The following MAML2 variants were observed in gnomAD, a reference collection of about 807,000 sequenced individuals.
MAML2 encodes mastermind like transcriptional coactivator 2.
MAML2 carries 22 observed loss-of-function variants against 96.1 expected under a neutral mutation model. That is an observed-to-expected ratio of 0.23 (90% CI 0.16 to 0.33). MAML2 has a LOEUF of 0.33. MAML2 is among the 10% of genes least tolerant of loss of function. The pLI, the probability that MAML2 is intolerant of heterozygous loss-of-function variation, is 1.00. For missense variants in MAML2, 1,367 were observed against 1,392.4 expected (o/e 0.98, Z 0.29); for synonymous variants, 561 against 521.3 (o/e 1.08, Z -1.04).
chr11:96,159,508 TC>T (rs1273681434), intron 1 of MAML2, among the ~76,000 whole-genome samples: 1 of 39,138 alleles, frequency 2.6e-5, no homozygotes, highest in Non-Finnish European at 7.4e-5. Flanking sequence ...CACTGCGAGC[TC>T]CGGCCTCCCG....
chr11:96,267,730 C>CA, intron 1 of MAML2, among the ~76,000 whole-genome samples: 1 of 152,308 alleles, frequency 6.6e-6, no homozygotes, highest in South Asian at 2.1e-4. Flanking sequence ...TCACTAGTTT[C>CA]AGCTAGTCAC....
intron 1 of MAML2, among the ~76,000 whole-genome samples, chr11:96,268,773 A>AGCAG: frequency 9.3e-6 from 1 of 108,030 alleles, no homozygotes; most frequent in African/African-American, 4.1e-5. Flanking sequence ...CCTGCACACG[A>AGCAG]TCTGTTGTCT....
At chr11:96,252,419 C>T (rs149424179) in intron 1 of MAML2, among the ~76,000 whole-genome samples, 2 of 145,040 alleles carry the variant, frequency 1.4e-5, no homozygotes, top group Admixed American at 1.4e-4. Flanking sequence ...TTTACCTTGA[C>T]TAACTCTTTT....
At chr11:96,028,953 G>T (rs1858567876) in intron 2 of MAML2, among the ~76,000 whole-genome samples, 1 of 152,094 alleles carries the variant, frequency 6.6e-6, no homozygotes, top group Non-Finnish European at 1.5e-5. Flanking sequence ...ATTCAGGACA[G>T]TGTTGCTTTT....
At chr11:96,219,652 G>A (rs566278987) in intron 1 of MAML2, among the ~76,000 whole-genome samples, 1 of 152,016 alleles carries the variant, frequency 6.6e-6, no homozygotes, top group East Asian at 1.9e-4. Context: ...TTGAGACAGG[G>A]TCTCACTCTG....
At chr11:96,235,478 T>G (rs897285017) in intron 1 of MAML2, among the ~76,000 whole-genome samples, 3 of 152,206 alleles carry the variant, frequency 2.0e-5, no homozygotes, top group Non-Finnish European at 4.4e-5. Context: ...TCTATTATTC[T>G]TTTGAACTGA....
intron 1 of MAML2, among the ~76,000 whole-genome samples, chr11:96,175,767 A>G (rs2135905142): frequency 6.6e-6 from 1 of 151,800 alleles, no homozygotes; most frequent in South Asian, 2.1e-4. Context: ...TTATTTATTT[A>G]TTTATTGTAT....
intron 2 of MAML2, among the ~76,000 whole-genome samples, chr11:96,081,642 A>T (rs1340983431): frequency 6.6e-5 from 10 of 152,264 alleles, no homozygotes; most frequent in Admixed American, 6.5e-4. Flanking sequence ...AATTTGTATT[A>T]TTTTATCGGA....
At chr11:96,008,576 T>C (rs939304188) in intron 2 of MAML2, among the ~76,000 whole-genome samples, 2 of 152,196 alleles carry the variant, frequency 1.3e-5, no homozygotes, top group Admixed American at 6.5e-5. Context: ...AATTAGATCC[T>C]CTTTAGAATT....
intron 1 of MAML2, among the ~76,000 whole-genome samples, chr11:96,283,245 C>T (rs905573851): frequency 3.3e-5 from 5 of 152,156 alleles, no homozygotes; most frequent in African/African-American, 1.2e-4. Context: ...CCTTGCTGTC[C>T]ACACCAAAAA....
intron 1 of MAML2, among the ~76,000 whole-genome samples, chr11:96,097,977 G>GAACCAC (rs1165774923): frequency 6.6e-6 from 1 of 152,190 alleles, no homozygotes; most frequent in Non-Finnish European, 1.5e-5. Context: ...TCCTAATTCT[G>GAACCAC]AACCACTAGC....
chr11:96,290,012 G>A (rs1008966384), intron 1 of MAML2, among the ~76,000 whole-genome samples: 4 of 152,126 alleles, frequency 2.6e-5, no homozygotes, highest in African/African-American at 9.7e-5. Context: ...TTCTCTCACT[G>A]CTTTTTATAA....
At chr11:96,335,420 T>G (rs1227286263) in intron 1 of MAML2, among the ~76,000 whole-genome samples, 1 of 152,222 alleles carries the variant, frequency 6.6e-6, no homozygotes, top group Non-Finnish European at 1.5e-5. Context: ...CCAGTGAACC[T>G]AAGAAGCGAG....
intron 1 of MAML2, among the ~76,000 whole-genome samples, chr11:96,303,236 A>C (rs1194802941): frequency 6.6e-6 from 1 of 151,932 alleles, no homozygotes; most frequent in Non-Finnish European, 1.5e-5. Flanking sequence ...GAGAGATAAA[A>C]CTCCCTACTC....
chr11:96,337,310 T>C (rs932007000), intron 1 of MAML2, among the ~76,000 whole-genome samples: 1 of 152,246 alleles, frequency 6.6e-6, no homozygotes, highest in Non-Finnish European at 1.5e-5. Flanking sequence ...CTTACAGCTC[T>C]CAACTTTTTA....
At chr11:96,016,321 G>A (rs1352667988) in intron 2 of MAML2, among the ~76,000 whole-genome samples, 1 of 152,038 alleles carries the variant, frequency 6.6e-6, no homozygotes, top group Non-Finnish European at 1.5e-5. Flanking sequence ...AAAAGTGAAG[G>A]GGAGGGGAGA....
intron 1 of MAML2, among the ~76,000 whole-genome samples, chr11:96,335,333 T>C (rs1446481062): frequency 2.0e-5 from 3 of 152,244 alleles, no homozygotes; most frequent in Non-Finnish European, 4.4e-5. Flanking sequence ...AACTCATTTG[T>C]TGGGAAGACT....
At chr11:96,249,230 C>T (rs1345787883) in intron 1 of MAML2, among the ~76,000 whole-genome samples, 1 of 152,212 alleles carries the variant, frequency 6.6e-6, no homozygotes, top group Non-Finnish European at 1.5e-5. Flanking sequence ...CCTCACTTCT[C>T]CTCTGTCTCC....
chr11:96,172,096 G>A (rs1359937538), intron 1 of MAML2, among the ~76,000 whole-genome samples: 1 of 152,160 alleles, frequency 6.6e-6, no homozygotes, highest in East Asian at 1.9e-4. Context: ...AAATATGGCT[G>A]GAATTTTTGG....
Sources: gnomAD v4.1 joint callset for allele counts (sites outside exome capture counted in the v4.1 genomes callset) on GRCh38, gnomAD v4.1.1 for gene constraint, MANE v1.5 for transcripts, NCBI Gene and HGNC (gene_info 2026-07-23, HGNC 2026-07-21) for gene names.